Variants in MYO1B observed in about 807,000 individuals in gnomAD.
The protein encoded by MYO1B is myosin IB.
Under a neutral mutation model 159.7 loss-of-function variants are expected in MYO1B, and 72 were observed. The ratio of observed to expected loss-of-function variants is 0.45; its 90% confidence interval spans 0.37 to 0.55. The LOEUF (loss-of-function observed/expected upper bound fraction) is 0.55. Ranked by LOEUF, MYO1B falls within the 20% of genes least tolerant of loss-of-function variation. MYO1B has a pLI of 0.00. For missense variants in MYO1B, 1,062 were observed against 1,364.8 expected, an observed-to-expected ratio of 0.78 and a Z score of 3.50; for synonymous variants, 468 against 473.8, an observed-to-expected ratio of 0.99 and a Z score of 0.16.
At position 191,378,902 on chromosome 2, in the gene MYO1B, T is replaced by C. The variant is rs1574553685; in HGVS notation, c.1186-2560T>C. On this transcript the variant is annotated intron_variant, in intron 13 of 30. Coordinates refer to ENST00000392318, the MANE Select transcript of MYO1B (RefSeq NM_001130158.3). ...ATTTGTCATATAGAATTACTGGTGA[T>C]AGCCTGGATGGCATGTTTTCTTTTT... Among the ~76,000 whole-genome samples the C allele has an allele frequency of 2.0e-5, 3 of 152,188 alleles. No homozygotes were observed. In the South Asian group the frequency reaches 6.2e-4, roughly 32 times the overall value.
In MYO1B at chr2:191,363,828, A is replaced by G; in HGVS notation, c.866A>G (p.Glu289Gly). The G allele has an allele frequency of 1.2e-6, 2 of 1,614,050 alleles. No homozygotes were observed. Among genetic ancestry groups the G allele is most frequent in the South Asian group, 2.2e-5 (2 of 91,074 alleles). Residue 289 changes from glutamate (E) to glycine (G), a missense_variant, in exon 10 of 31, where the codon GAA becomes GGA. Transcript: ENST00000392318. ...LKLGNIEFKP[E>G]SRVNGLDESK... ...CTGGGGAACATTGAGTTCAAGCCCG[A>G]ATCTCGAGTGAATGGTCTAGATGAA...
chr2:191,346,534 A>C (rs1268278544), intron 6 of MYO1B, among the ~76,000 whole-genome samples: 1 of 152,170 alleles, frequency 6.6e-6, no homozygotes, highest in Non-Finnish European at 1.5e-5. Context: ...AAGCAATTTA[A>C]ATGAGGCTAT....
At chr2:191,364,353 T>G (rs1693861956) in intron 11 of MYO1B, 77 bp downstream of exon 11, 2 of 1,205,712 alleles carry the variant, frequency 1.7e-6, no homozygotes, top group Non-Finnish European at 2.4e-6. Flanking sequence ...AACAAAGATT[T>G]TAGTTTACAG....
intron 7 of MYO1B, among the ~76,000 whole-genome samples, chr2:191,352,615 A>G (rs1692998453): frequency 6.6e-6 from 1 of 152,186 alleles, no homozygotes; most frequent in Non-Finnish European, 1.5e-5. Context: ...TCATGAATGG[A>G]GTTCATATGG....
chr2:191,247,603 T>A (rs867346117), intron 1 of MYO1B, among the ~76,000 whole-genome samples: 23 of 152,372 alleles, frequency 1.5e-4, no homozygotes, highest in Middle Eastern at 3.4e-3. Context: ...TGGCAAAACG[T>A]TGTGCTAGGG....
chr2:191,341,415 T>G (rs745876128), intron 4 of MYO1B, 46 bp from the exon 5 acceptor site: 3 of 1,547,392 alleles, frequency 1.9e-6, no homozygotes, highest in Non-Finnish European at 2.7e-6. Context: ...AAAAGATTTT[T>G]TAAATTTCTG....
intron 3 of MYO1B, among the ~76,000 whole-genome samples, chr2:191,324,496 G>C (rs1690927671): frequency 6.6e-6 from 1 of 152,094 alleles, no homozygotes; most frequent in Non-Finnish European, 1.5e-5. Context: ...TATGTGAAAT[G>C]TAGAAACCTT....
At chr2:191,309,667 C>A (rs1689875298) in intron 3 of MYO1B, among the ~76,000 whole-genome samples, 1 of 152,190 alleles carries the variant, frequency 6.6e-6, no homozygotes, top group South Asian at 2.1e-4. Context: ...CTTGAACATG[C>A]CACTGTCAGC....
At chr2:191,312,267 A>G (rs948362139) in intron 3 of MYO1B, among the ~76,000 whole-genome samples, 4 of 152,186 alleles carry the variant, frequency 2.6e-5, no homozygotes, top group African/African-American at 9.7e-5. Flanking sequence ...CTTGTGGCCT[A>G]CTGTTTCTGA....
intron 29 of MYO1B, among the ~76,000 whole-genome samples, chr2:191,415,913 A>C (rs1697535403): frequency 6.6e-6 from 1 of 152,206 alleles, no homozygotes; most frequent in African/African-American, 2.4e-5. Context: ...GACTTTAGGT[A>C]GAAGGGGATT....
At position 191,393,169 on chromosome 2, in the gene MYO1B, C is replaced by T. The variant is rs1438064111; in HGVS notation, c.2173C>T (p.Leu725=). ...YRGWKCRTHF[L]LMKKSQIVIA... ...GGGGTGGAAATGCCGCACACACTTC[C>T]TGCTAATGAAAAAAAGCCAAATTGT... is the stretch of plus-strand genomic sequence containing the variant. Residue 725 remains leucine (L), a synonymous_variant, in exon 20 of 31, where the codon CTG becomes TTG. Transcript: ENST00000392318. 1 of 1,614,052 alleles carries T rather than the reference C, an allele frequency of 6.2e-7. No homozygotes were observed. Among genetic ancestry groups the T allele is most frequent in the South Asian group, 1.1e-5 (1 of 91,062 alleles).
rs937140115 is a variant in MYO1B at position 191,411,143 on chromosome 2, C to T, written c.2844C>T (p.Phe948=). 3.7e-6 allele frequency: 6 copies of T among 1,610,304 alleles called. No homozygotes were observed. The highest frequency in any genetic ancestry group is 5.1e-6 in the Non-Finnish European group (6 of 1,178,478). The change falls in exon 27 of 31, where the codon TTC becomes TTT. Residue 948 remains phenylalanine (F), a synonymous_variant. Coordinates refer to ENST00000392318, the MANE Select transcript of MYO1B (RefSeq NM_001130158.3). ...YEEKLEASEL[F]KDKKALYPSS... ...AGAAACTAGAAGCCAGTGAACTCTT[C>T]AAAGACAAGAAGGCTTTATACCCAT...
At chr2:191,320,908 C>G (rs1021487478) in intron 3 of MYO1B, among the ~76,000 whole-genome samples, 3 of 152,060 alleles carry the variant, frequency 2.0e-5, no homozygotes, top group African/African-American at 7.2e-5. Context: ...CTGCCTATTG[C>G]CTTCTGTGAT....
At chr2:191,341,876 C>T (rs898923012) in intron 5 of MYO1B, among the ~76,000 whole-genome samples, 5 of 151,896 alleles carry the variant, frequency 3.3e-5, no homozygotes, top group Admixed American at 2.6e-4. Flanking sequence ...TGGTGCAGTG[C>T]TGTTTTATTA....
intron 2 of MYO1B, among the ~76,000 whole-genome samples, chr2:191,277,741 C>T (rs1390996520): frequency 6.6e-6 from 1 of 152,124 alleles, no homozygotes; most frequent in Non-Finnish European, 1.5e-5. Flanking sequence ...GTTAACTAAA[C>T]CAAAGAAATG....
intron 13 of MYO1B, among the ~76,000 whole-genome samples, chr2:191,379,826 A>T (rs1169194662): frequency 6.6e-6 from 1 of 152,216 alleles, no homozygotes; most frequent in Non-Finnish European, 1.5e-5. Flanking sequence ...GAATGCCTTT[A>T]TGCTGAGTAT....
chr2:191,342,576 G>A (rs1426481923), intron 5 of MYO1B, among the ~76,000 whole-genome samples: 1 of 152,230 alleles, frequency 6.6e-6, no homozygotes, highest in African/African-American at 2.4e-5. Context: ...GCTGGGCACA[G>A]TGGCTCACAC....
intron 3 of MYO1B, among the ~76,000 whole-genome samples, chr2:191,316,252 G>A (rs1690341791): frequency 6.6e-6 from 1 of 152,174 alleles, no homozygotes; most frequent in African/African-American, 2.4e-5. Flanking sequence ...AGATTGGTCT[G>A]CCTTCATTTT....
At position 191,339,297 on chromosome 2, in the gene MYO1B, G is replaced by A. The variant is rs187912341; in HGVS notation, c.347-2164G>A. The stretch of plus-strand genomic sequence containing the variant: ...TATACCTTGGACTAGAGGGTAGAGG[G>A]CAATGTGGCCCCCAGGAGTGAAATG... On this transcript the variant is annotated intron_variant, in intron 4 of 30. Coordinates refer to ENST00000392318, the MANE Select transcript of MYO1B (RefSeq NM_001130158.3). Among the ~76,000 whole-genome samples the A allele has an allele frequency of 2.8e-3, 434 of 152,316 alleles. 1 individual carries two copies. Among genetic ancestry groups the A allele is most frequent in the Non-Finnish European group, 3.2e-3 (216 of 68,030 alleles).
Sources: gnomAD v4.1 joint callset for allele counts (sites outside exome capture counted in the v4.1 genomes callset) on GRCh38, gnomAD v4.1.1 for gene constraint, MANE v1.5 for transcripts, NCBI Gene and HGNC (gene_info 2026-07-23, HGNC 2026-07-21) for gene names.